The following CSGALNACT1 variants were observed in gnomAD, a reference collection of about 807,000 sequenced individuals.
CSGALNACT1 encodes the protein beta4GalNAcT-1.
CSGALNACT1 carries 52 observed loss-of-function variants against 51.0 expected under a neutral mutation model. That is an observed-to-expected ratio of 1.02 (90% confidence interval 0.82 to 1.29). The LOEUF is 1.29. Among genes scored for constraint, CSGALNACT1 ranks in the 50% most tolerant of loss-of-function variants. The pLI is 0.00. For missense variants in CSGALNACT1, 935 were observed against 679.2 expected (o/e 1.38, Z -4.19); for synonymous variants, 341 against 254.4 (o/e 1.34, Z -3.24).
intron 3 of CSGALNACT1, among the ~76,000 whole-genome samples, chr8:19,552,982 T>C (rs1332669296): frequency 2.0e-5 from 3 of 152,000 alleles, no homozygotes; most frequent in South Asian, 2.1e-4. Flanking sequence ...CTGGAGAACA[T>C]AAGGAAGGCT....
chr8:19,667,011 G>GAAAGA (rs1564386188), intron 1 of CSGALNACT1, among the ~76,000 whole-genome samples: 33 of 32,894 alleles, frequency 1.0e-3, no homozygotes, highest in African/African-American at 6.3e-3. Flanking sequence ...AAGAAAGAAA[G>GAAAGA]AAAGAAAGGA....
At chr8:19,559,960 C>T (rs2040339659) in intron 3 of CSGALNACT1, among the ~76,000 whole-genome samples, 1 of 152,122 alleles carries the variant, frequency 6.6e-6, no homozygotes, top group African/African-American at 2.4e-5. Flanking sequence ...CTTGAAGTAC[C>T]AGGCTGTTCT....
chr8:19,752,975 T>C (rs1383519439), intron 1 of CSGALNACT1, among the ~76,000 whole-genome samples: 1 of 152,186 alleles, frequency 6.6e-6, no homozygotes, highest in Non-Finnish European at 1.5e-5. Flanking sequence ...TCATTTCCTC[T>C]CAACTCAGCC....
intron 3 of CSGALNACT1, among the ~76,000 whole-genome samples, chr8:19,572,900 C>T (rs2043326835): frequency 6.6e-6 from 1 of 152,162 alleles, no homozygotes; most frequent in Non-Finnish European, 1.5e-5. Context: ...TGAGTACTTT[C>T]TCCAGAAAAT....
chr8:19,622,159 T>C (rs1047150072), intron 1 of CSGALNACT1, among the ~76,000 whole-genome samples: 5 of 152,258 alleles, frequency 3.3e-5, no homozygotes, highest in African/African-American at 7.2e-5. Context: ...CTCCATTGTT[T>C]CACATTTACA....
chr8:19,449,510 TC>T (rs1044119634), intron 5 of CSGALNACT1, among the ~76,000 whole-genome samples: 6 of 150,540 alleles, frequency 4.0e-5, no homozygotes, highest in African/African-American at 1.5e-4. Context: ...ACTATAACAT[TC>T]CAGGCTCATT....
At chr8:19,593,409 C>A (rs1286198865) in intron 2 of CSGALNACT1, among the ~76,000 whole-genome samples, 1 of 152,214 alleles carries the variant, frequency 6.6e-6, no homozygotes, top group African/African-American at 2.4e-5. Context: ...TCCTGGGGCA[C>A]CACAACAGCT....
chr8:19,573,791 A>G (rs962307194), intron 3 of CSGALNACT1, among the ~76,000 whole-genome samples: 1 of 152,186 alleles, frequency 6.6e-6, no homozygotes, highest in Non-Finnish European at 1.5e-5. Flanking sequence ...AAGGGGATGT[A>G]TAAGGCTTCT....
At position 19,521,505 on chromosome 8, in the gene CSGALNACT1, G is replaced by A. The variant is rs751984680; in HGVS notation, c.-296-15375C>T. 6.6e-5 allele frequency among the ~76,000 whole-genome samples: 10 copies of A among 152,118 alleles called. 1 individual carries two copies. Among genetic ancestry groups the A allele is most frequent in the Non-Finnish European group, 1.3e-4 (9 of 68,022 alleles). ...TGAGAACAGCCTGGCCAACATGGTA[G>A]AAACCCATCTCTACTAAAAACACAA... is the stretch of plus-strand genomic sequence containing the variant. On this transcript the variant is annotated intron_variant, in intron 3 of 9. Transcript: ENST00000454498.
rs535324995 is a variant in CSGALNACT1, at chr8:19,681,428, T to A, written c.-544+1045A>T. On this transcript the variant is annotated intron_variant, in intron 1 of 9. Coordinates refer to the CSGALNACT1 transcript ENST00000332246. ...CCCATCCCCATCGCTGGCTCCTCCATCACAGCAGACTTCTGTCGCCACCAG... is the reference window on the plus strand; with the variant it reads ...CCCATCCCCATCGCTGGCTCCTCCAACACAGCAGACTTCTGTCGCCACCAG... 2.0e-5 allele frequency among the ~76,000 whole-genome samples: 3 copies of A among 152,180 alleles called. No homozygotes were observed. The East Asian group carries it at 5.8e-4, about 29-fold the overall frequency.
chr8:19,423,602 A>G (rs11784873), intron 6 of CSGALNACT1, among the ~76,000 whole-genome samples: 73,579 of 151,932 alleles, frequency 0.48, 18,899 homozygotes, highest in East Asian at 0.83. Context: ...AGGGGTGGGA[A>G]GAACTTAAGG....
chr8:19,467,018 G>C (rs2066848996), intron 4 of CSGALNACT1, among the ~76,000 whole-genome samples: 1 of 151,360 alleles, frequency 6.6e-6, no homozygotes, highest in Non-Finnish European at 1.5e-5. Context: ...GATGCAGGCT[G>C]ACAAATCCAG....
chr8:19,739,113 T>C (rs2064157025), intron 1 of CSGALNACT1, among the ~76,000 whole-genome samples: 2 of 151,910 alleles, frequency 1.3e-5, no homozygotes, highest in Admixed American at 1.3e-4. Flanking sequence ...AAAGACCTTA[T>C]CAAGTTGAAA....
At position 19,524,304 on chromosome 8, in the gene CSGALNACT1, G is replaced by T. The variant is rs115625313; in HGVS notation, c.-296-18174C>A. Among the ~76,000 whole-genome samples, 888 of 152,166 alleles carry T rather than the reference G, an allele frequency of 5.8e-3. 9 individuals are homozygous for T. The highest frequency in any genetic ancestry group is 0.02 in the African/African-American group (837 of 41,528). Reference sequence around the variant, plus strand: ...CTGTCTCTGAAAAAACACTGCCACAGATCTAATTAAGATTTTCCATTCCCA... The same window carrying T: ...CTGTCTCTGAAAAAACACTGCCACATATCTAATTAAGATTTTCCATTCCCA... On this transcript the variant is annotated intron_variant, in intron 3 of 9. Coordinates refer to ENST00000454498, the Ensembl canonical transcript of CSGALNACT1.
chr8:19,625,874 A>C lies in CSGALNACT1; in HGVS notation c.-543-24009T>G, dbSNP rs558725605. On this transcript the variant is annotated intron_variant, in intron 1 of 9. Coordinates refer to the CSGALNACT1 transcript ENST00000332246. ...ACCTAACTTCACTCAATCTGTCCCC[A>C]AAAAAAGTCTACATTTTCTCCATAG... 6.6e-5 allele frequency among the ~76,000 whole-genome samples: 10 copies of C among 152,216 alleles called. No individual in the cohort carries two copies. The East Asian group carries it at 1.2e-3, about 18-fold the overall frequency.
intron 3 of CSGALNACT1, among the ~76,000 whole-genome samples, chr8:19,532,259 A>G (rs1289138918): frequency 6.6e-6 from 1 of 152,040 alleles, no homozygotes; most frequent in Non-Finnish European, 1.5e-5. Context: ...CCCAGCAGCC[A>G]TGGCTTCTTT....
intron 3 of CSGALNACT1, among the ~76,000 whole-genome samples, chr8:19,519,819 A>T (rs2080284716): frequency 6.6e-6 from 1 of 152,114 alleles, no homozygotes; most frequent in African/African-American, 2.4e-5. Flanking sequence ...CTCCACCCAC[A>T]ATCCTTGGCA....
intron 3 of CSGALNACT1, among the ~76,000 whole-genome samples, chr8:19,586,706 C>A (rs921361738): frequency 1.3e-5 from 2 of 152,116 alleles, no homozygotes; most frequent in African/African-American, 4.8e-5. Context: ...TTCTCATAGA[C>A]TGCTGGGTGG....
chr8:19,711,833 G>A lies in CSGALNACT1; in HGVS notation c.-297+46017C>T, dbSNP rs550361590. Among the ~76,000 whole-genome samples the A allele has an allele frequency of 5.5e-4, 83 of 152,198 alleles. No individual in the cohort carries two copies. The South Asian group carries it at 0.016, about 29-fold the overall frequency. On this transcript the variant is annotated intron_variant, in intron 1 of 1. Coordinates refer to the CSGALNACT1 transcript ENST00000517494. ...TCTTCAAAACTAGGAAAGGATAAACGAACAGTGTGTGGCACCTCCAACATG... is the reference window on the plus strand; with the variant it reads ...TCTTCAAAACTAGGAAAGGATAAACAAACAGTGTGTGGCACCTCCAACATG...
Sources: gnomAD v4.1 joint callset for allele counts (sites outside exome capture counted in the v4.1 genomes callset) on GRCh38, gnomAD v4.1.1 for gene constraint, MANE v1.5 for transcripts, NCBI Gene and HGNC (gene_info 2026-07-23, HGNC 2026-07-21) for gene names.